CDC42BPA: variants seen among roughly 807,000 people sequenced by gnomAD.
The protein encoded by CDC42BPA is serine/threonine-protein kinase MRCK alpha.
CDC42BPA carries 80 observed loss-of-function variants against 223.5 expected under a neutral mutation model. The observed-to-expected ratio is 0.36, with a 90% confidence interval of 0.30 to 0.43. CDC42BPA has a LOEUF of 0.43. Among genes scored for constraint, CDC42BPA ranks in the 20% least tolerant of loss-of-function variants. The probability of loss-of-function intolerance (pLI) is 1.00; values close to 1 mark genes in which losing one functional copy is unlikely to be tolerated. For synonymous variants in CDC42BPA, 694 were observed against 718.6 expected (o/e 0.97, Z 0.55); for missense variants, 1,743 against 2,099.9 (o/e 0.83, Z 3.32).
chr1:227,192,874 A>C (rs1210767931), intron 5 of CDC42BPA, among the ~76,000 whole-genome samples: 2 of 152,124 alleles, frequency 1.3e-5, no homozygotes, highest in Admixed American at 1.3e-4. Flanking sequence ...AAAATATATA[A>C]TACAGGACTT....
At chr1:227,157,094 A>G (rs1272009202) in intron 6 of CDC42BPA, among the ~76,000 whole-genome samples, 2 of 152,128 alleles carry the variant, frequency 1.3e-5, no homozygotes, top group East Asian at 3.8e-4. Context: ...CATGTCATAA[A>G]CCCACATTAC....
intron 5 of CDC42BPA, among the ~76,000 whole-genome samples, chr1:227,175,197 T>C (rs185779968): frequency 3.3e-5 from 5 of 152,294 alleles, no homozygotes; most frequent in African/African-American, 9.6e-5. Flanking sequence ...GGAACTTATA[T>C]AGAATTCATG....
At chr1:227,270,249 T>C (rs1685747698) in intron 1 of CDC42BPA, among the ~76,000 whole-genome samples, 2 of 152,314 alleles carry the variant, frequency 1.3e-5, no homozygotes, top group East Asian at 1.9e-4. Flanking sequence ...TACACATTTA[T>C]GCACATAAAT....
chr1:227,306,735 C>A (rs3795456), intron 1 of CDC42BPA, among the ~76,000 whole-genome samples: 46,791 of 152,020 alleles, frequency 0.31, 7,383 homozygotes, highest in East Asian at 0.37. Flanking sequence ...AGCTCAGGGC[C>A]AGATCACAGG....
At chr1:227,195,471 G>A (rs1004914191) in intron 4 of CDC42BPA, among the ~76,000 whole-genome samples, 2 of 145,556 alleles carry the variant, frequency 1.4e-5, no homozygotes, top group South Asian at 2.3e-4. Flanking sequence ...CCACCACGTC[G>A]GGGTACCCTA....
intron 20 of CDC42BPA, among the ~76,000 whole-genome samples, chr1:227,070,788 C>T (rs1192199457): frequency 2.0e-5 from 3 of 151,788 alleles, no homozygotes; most frequent in South Asian, 4.1e-4. Context: ...TTTTGTTCTG[C>T]AATATTCAAA....
At chr1:227,313,774 C>G (rs1693921275) in intron 1 of CDC42BPA, among the ~76,000 whole-genome samples, 1 of 152,036 alleles carries the variant, frequency 6.6e-6, no homozygotes, top group Admixed American at 6.5e-5. Flanking sequence ...AAGTGAACAG[C>G]TTTAAAACTA....
At chr1:227,240,703 A>T (rs531845409) in intron 2 of CDC42BPA, among the ~76,000 whole-genome samples, 3 of 151,388 alleles carry the variant, frequency 2.0e-5, no homozygotes, top group Admixed American at 2.0e-4. Context: ...AAAAAAAAAA[A>T]TGAATCTCAA....
intron 2 of CDC42BPA, among the ~76,000 whole-genome samples, chr1:227,227,915 A>G (rs1677123124): frequency 6.6e-6 from 1 of 152,234 alleles, no homozygotes; most frequent in South Asian, 2.1e-4. Flanking sequence ...AGTAGTCATC[A>G]GTGATTCAGT....
chr1:227,125,857 C>G (rs1428016309), intron 11 of CDC42BPA, among the ~76,000 whole-genome samples: 1 of 151,948 alleles, frequency 6.6e-6, no homozygotes, highest in Admixed American at 6.6e-5. Context: ...ACTGTATTTA[C>G]AAATTTACAG....
In CDC42BPA at chr1:227,005,063, T is replaced by C. The variant is rs759034833; in HGVS notation, c.4906A>G (p.Ile1636Val). Residue 1636 changes from isoleucine (I) to valine (V), a missense_variant, in exon 35 of 37, where the codon ATT becomes GTT. By Grantham distance (29) the Ile-to-Val change is conservative. This residue lies in a region of CDC42BPA where 200 missense variants were observed against 192.8 expected (regional missense o/e 1.04). Coordinates refer to ENST00000366766, the MANE Select transcript of CDC42BPA (RefSeq NM_001394014.1). ...SRTVFSGSVS[I>V]PSITKSRPEP... ...GGGCGGGATTTGGTGATAGATGGAA[T>C]ACTGACTGAGCCACTGAATACTGTC... is the stretch of plus-strand genomic sequence containing the variant. 1 of 1,614,100 alleles carries C rather than the reference T, an allele frequency of 6.2e-7. No individual in the cohort carries two copies. The highest frequency in any genetic ancestry group is 8.5e-7 in the Non-Finnish European group (1 of 1,180,032).
In CDC42BPA at chr1:226,994,747, C is replaced by A. The variant is rs1373726638; in HGVS notation, c.5133+76G>T. On this transcript the variant is annotated intron_variant, in intron 36 of 36. Coordinates refer to ENST00000366766, the MANE Select transcript of CDC42BPA (RefSeq NM_001394014.1). This position sits in a 1 kb window ranked among gnomAD's most constrained non-coding sequence, Gnocchi z 4.0. ...AACCCTGCTGCAGCTGAGGCCAATC[C>A]CAAGGTGGTGGGATTGCCTGGGAAG... The A allele has an allele frequency of 1.4e-6, 2 of 1,449,514 alleles. No homozygotes were observed. The highest frequency in any genetic ancestry group is 1.4e-5 in the African/African-American group (1 of 70,836). The allele number at this position is 1,449,514 out of a possible 1,614,324, so 89.8% of individuals were successfully genotyped here.
At chr1:227,275,805 T>A (rs115319671) in intron 1 of CDC42BPA, among the ~76,000 whole-genome samples, 24,016 of 152,206 alleles carry the variant, frequency 0.16, 2,187 homozygotes, top group East Asian at 0.37. Flanking sequence ...GGTTTCGCCA[T>A]GTTCGCCGGG....
chr1:227,048,046 G>A (rs769570288), intron 22 of CDC42BPA, 36 bp from the exon 23 acceptor site: 2 of 1,236,808 alleles, frequency 1.6e-6, no homozygotes, highest in Non-Finnish European at 2.3e-6. Context: ...TAAATGTCAT[G>A]AAACACTCCA....
chr1:227,077,699 C>T (rs1679786915), intron 17 of CDC42BPA, among the ~76,000 whole-genome samples: 1 of 152,110 alleles, frequency 6.6e-6, no homozygotes, highest in Admixed American at 6.5e-5. Context: ...TCAGGATCAC[C>T]TCAGTCTTAC....
intron 4 of CDC42BPA, among the ~76,000 whole-genome samples, chr1:227,197,550 T>C (rs1670956233): frequency 6.6e-6 from 1 of 152,110 alleles, no homozygotes; most frequent in Non-Finnish European, 1.5e-5. Context: ...AGAATGCAAA[T>C]AAAACTAAAC....
At chr1:227,268,909 T>C (rs1186029957) in intron 1 of CDC42BPA, among the ~76,000 whole-genome samples, 1 of 151,932 alleles carries the variant, frequency 6.6e-6, no homozygotes, top group Non-Finnish European at 1.5e-5. Context: ...GGTCTCAAAC[T>C]CCTGGGCTCA....
chr1:227,249,982 A>G (rs1302401707), intron 2 of CDC42BPA, among the ~76,000 whole-genome samples: 1 of 152,220 alleles, frequency 6.6e-6, no homozygotes, highest in Admixed American at 6.5e-5. Flanking sequence ...CAAAGGACCA[A>G]TAATAATTTA....
intron 22 of CDC42BPA, among the ~76,000 whole-genome samples, chr1:227,049,241 A>T (rs183851513): frequency 6.6e-6 from 1 of 150,536 alleles, no homozygotes. Flanking sequence ...ATTAAAAAAA[A>T]TTAAGCAAGG....
Sources: gnomAD v4.1 joint callset for allele counts (sites outside exome capture counted in the v4.1 genomes callset) on GRCh38, gnomAD v4.1.1 for gene constraint, gnomAD v4.1.1 regional missense constraint, Gnocchi (gnomAD v3.1) non-coding constraint, MANE v1.5 for transcripts, NCBI Gene and HGNC (gene_info 2026-07-23, HGNC 2026-07-21) for gene names.